PCDH9: variants seen among roughly 807,000 people sequenced by gnomAD.
PCDH9 encodes protocadherin-9.
A neutral mutation model predicts 70.6 loss-of-function variants in PCDH9; 24 were observed. The observed-to-expected ratio is 0.34, with a 90% CI of 0.25 to 0.48. The LOEUF (loss-of-function observed/expected upper bound fraction) is 0.48, where lower values mean the gene tolerates loss of function less well. Ranked by LOEUF, PCDH9 falls within the 20% of genes least tolerant of loss-of-function variation. The pLI is 0.99. For synonymous variants in PCDH9, 562 were observed against 558.5 expected (o/e 1.01, Z -0.09); for missense variants, 1,281 against 1,503.6 (o/e 0.85, Z 2.45).
intron 2 of PCDH9, among the ~76,000 whole-genome samples, chr13:67,125,803 G>A (rs934496811): frequency 6.6e-6 from 1 of 151,162 alleles, no homozygotes; most frequent in African/African-American, 2.4e-5. Flanking sequence ...CCTACCTTTA[G>A]TTTGGTATAA....
At chr13:67,168,654 G>A (rs1166197201) in intron 2 of PCDH9, among the ~76,000 whole-genome samples, 1 of 151,958 alleles carries the variant, frequency 6.6e-6, no homozygotes, top group Non-Finnish European at 1.5e-5. Flanking sequence ...TTACTTGAGT[G>A]CAAATAGTTG....
chr13:66,414,110 C>CA (rs1480037103), intron 4 of PCDH9, among the ~76,000 whole-genome samples: 1 of 151,940 alleles, frequency 6.6e-6, no homozygotes, highest in Non-Finnish European at 1.5e-5. Context: ...GAAAAAAAAT[C>CA]AAAGACTAGA....
chr13:66,358,755 A>G (rs928893313), intron 4 of PCDH9, among the ~76,000 whole-genome samples: 1 of 151,866 alleles, frequency 6.6e-6, no homozygotes, highest in Non-Finnish European at 1.5e-5. Flanking sequence ...CATTAGTTTC[A>G]GTGTGTGTGT....
At chr13:66,637,712 G>A (rs2077657269) in intron 3 of PCDH9, among the ~76,000 whole-genome samples, 1 of 151,722 alleles carries the variant, frequency 6.6e-6, no homozygotes, top group Non-Finnish European at 1.5e-5. Context: ...AGGATATCGA[G>A]ACCATGCTGG....
intron 3 of PCDH9, chr13:66,825,296 G>C (rs891020853): frequency 6.9e-6 from 1 of 145,534 alleles, no homozygotes; most frequent in Admixed American, 6.9e-5. Context: ...CGTATTGTAT[G>C]AACTGTAATT....
Position 66,439,228 on chromosome 13 carries a change from A to C in PCDH9, c.3341-134200T>G, listed in dbSNP as rs151144373. On this transcript the variant is annotated intron_variant, in intron 4 of 4. Coordinates refer to ENST00000377865, the MANE Select transcript of PCDH9 (RefSeq NM_203487.3). Reference sequence around the variant, plus strand: ...CAATTCACTTCTTTTAATTCGGCTGAGTTTTATCTGAGATGGCCGCTTCTC... The same window carrying C: ...CAATTCACTTCTTTTAATTCGGCTGCGTTTTATCTGAGATGGCCGCTTCTC... 3.7e-3 allele frequency among the ~76,000 whole-genome samples: 567 copies of C among 152,304 alleles called. 2 individuals are homozygous for C. Among genetic ancestry groups the C allele is most frequent in the Non-Finnish European group, 4.8e-3 (327 of 68,034 alleles).
chr13:66,331,755 G>A (rs917731930), intron 4 of PCDH9, among the ~76,000 whole-genome samples: 1 of 152,178 alleles, frequency 6.6e-6, no homozygotes, highest in African/African-American at 2.4e-5. Flanking sequence ...GGCAATAAAT[G>A]AGTAGACCAT....
intron 4 of PCDH9, among the ~76,000 whole-genome samples, chr13:66,567,800 A>G (rs76876592): frequency 0.12 from 17,872 of 152,238 alleles, 1,236 homozygotes; most frequent in Middle Eastern, 0.22. Context: ...CAAGGAATAA[A>G]TAATTTTCTT....
intron 3 of PCDH9, chr13:66,825,285 T>C (rs2080799586): frequency 6.6e-6 from 1 of 150,840 alleles, no homozygotes; most frequent in Admixed American, 6.6e-5. Flanking sequence ...TTGTTGTAAA[T>C]CGTATTGTAT....
rs1256701017 is a variant in PCDH9, at chr13:67,105,023, C to T, written c.3036+120382G>A. Among the ~76,000 whole-genome samples the T allele has an allele frequency of 9.2e-5, 14 of 152,236 alleles. No individual in the cohort carries two copies. The East Asian group carries it at 1.4e-3, about 15-fold the overall frequency. On this transcript the variant is annotated intron_variant, in intron 2 of 4. Coordinates refer to ENST00000377865, the MANE Select transcript of PCDH9 (RefSeq NM_203487.3). ...CTCTTGAACTCAAATCTTCTCCCTT[C>T]GCTAACACTGCTACATCTAGTCTGC... is the stretch of plus-strand genomic sequence containing the variant.
At chr13:66,954,711 C>T (rs934715422) in intron 2 of PCDH9, among the ~76,000 whole-genome samples, 3 of 152,156 alleles carry the variant, frequency 2.0e-5, no homozygotes, top group African/African-American at 7.2e-5. Context: ...TCTCACAGAC[C>T]AAGAATAGGG....
At chr13:66,458,476 A>G (rs117798825) in intron 4 of PCDH9, among the ~76,000 whole-genome samples, 1,548 of 152,176 alleles carry the variant, frequency 0.01, 21 homozygotes, top group Middle Eastern at 0.041. Context: ...AAGTATTAAG[A>G]GAGCTGGTCA....
intron 2 of PCDH9, among the ~76,000 whole-genome samples, chr13:67,003,518 C>T (rs968804919): frequency 1.3e-5 from 2 of 152,154 alleles, no homozygotes; most frequent in African/African-American, 4.8e-5. Flanking sequence ...AGGATATCTA[C>T]ACAAGATATG....
intron 2 of PCDH9, among the ~76,000 whole-genome samples, chr13:67,147,357 G>A (rs1253966291): frequency 6.6e-6 from 1 of 152,086 alleles, no homozygotes; most frequent in Non-Finnish European, 1.5e-5. Flanking sequence ...TGAAAGTGGG[G>A]CAGGAGGAAA....
chr13:67,182,236 G>C (rs1416312013), intron 2 of PCDH9, among the ~76,000 whole-genome samples: 1 of 152,078 alleles, frequency 6.6e-6, no homozygotes, highest in Non-Finnish European at 1.5e-5. Context: ...CCTAAAACAG[G>C]ACTCTCAGTT....
At chr13:66,431,265 T>G (rs1011817741) in intron 4 of PCDH9, among the ~76,000 whole-genome samples, 1 of 152,108 alleles carries the variant, frequency 6.6e-6, no homozygotes. Flanking sequence ...GCATCCTCTA[T>G]GTGTAAGAAA....
intron 3 of PCDH9, among the ~76,000 whole-genome samples, chr13:66,645,319 C>G (rs772006737): frequency 6.6e-6 from 1 of 151,942 alleles, no homozygotes; most frequent in Non-Finnish European, 1.5e-5. Flanking sequence ...CAGGGCAAAA[C>G]TGTTAGAAGA....
chr13:67,189,450 G>A (rs2088851506), intron 2 of PCDH9, among the ~76,000 whole-genome samples: 1 of 151,980 alleles, frequency 6.6e-6, no homozygotes, highest in South Asian at 2.1e-4. Context: ...TGTGACTGAA[G>A]AAATATTTTT....
chr13:67,156,581 T>C (rs1016639233), intron 2 of PCDH9, among the ~76,000 whole-genome samples: 3 of 152,090 alleles, frequency 2.0e-5, no homozygotes, highest in Non-Finnish European at 4.4e-5. Flanking sequence ...CCCCATCTGC[T>C]GAGAGCTACT....
Sources: allele counts gnomAD v4.1 joint callset (sites outside exome capture counted in the v4.1 genomes callset), GRCh38; gene constraint gnomAD v4.1.1; transcripts MANE v1.5; gene names NCBI Gene and HGNC (gene_info 2026-07-23, HGNC 2026-07-21).